The following DIAPH2 variants were observed in gnomAD, a reference collection of about 807,000 sequenced individuals.
DIAPH2 encodes the protein diaphanous related formin 2.
A neutral mutation model predicts 92.7 loss-of-function variants in DIAPH2; 35 were observed. That is an observed-to-expected ratio of 0.38 (90% confidence interval 0.29 to 0.50). The LOEUF (loss-of-function observed/expected upper bound fraction) is 0.50, where lower values mean the gene tolerates loss of function less well. Ranked by LOEUF, DIAPH2 falls within the 20% of genes least tolerant of loss-of-function variation. DIAPH2 has a pLI of 0.94. For synonymous variants in DIAPH2, 301 were observed against 280.4 expected, an observed-to-expected ratio of 1.07 and a Z score of -0.73; for missense variants, 701 against 819.5, an observed-to-expected ratio of 0.86 and a Z score of 1.77.
At chrX:96,998,923 T>C (rs145988183) in intron 17 of DIAPH2, among the ~76,000 whole-genome samples, 6,562 of 112,212 alleles carry the variant, frequency 0.058, 477 homozygotes, top group African/African-American at 0.2. Flanking sequence ...TTTAAAATGG[T>C]ACCTGCTGCA....
At chrX:96,724,073 A>G (rs79297696) in intron 1 of DIAPH2, among the ~76,000 whole-genome samples, 20,838 of 107,630 alleles carry the variant, frequency 0.19, 1,558 homozygotes, top group East Asian at 0.32. Flanking sequence ...ACAGGCGCCC[A>G]CCACCACGCA....
At chrX:96,773,321 A>C (rs747412487) in intron 4 of DIAPH2, among the ~76,000 whole-genome samples, 2 of 84,712 alleles carry the variant, frequency 2.4e-5, no homozygotes, top group East Asian at 8.5e-4. Flanking sequence ...TAGGGCTTTT[A>C]AAGTGTTAAG....
intron 26 of DIAPH2, among the ~76,000 whole-genome samples, chrX:97,571,224 T>C (rs1226251361): frequency 1.8e-5 from 2 of 111,582 alleles, no homozygotes; most frequent in Non-Finnish European, 3.8e-5. Flanking sequence ...TTTTGCTTTT[T>C]TCAAGTTTTC....
intron 22 of DIAPH2, among the ~76,000 whole-genome samples, chrX:97,177,664 A>AT (rs1355091521): frequency 3.8e-5 from 4 of 105,265 alleles, no homozygotes; most frequent in African/African-American, 1.4e-4. Context: ...AAATTTGTTA[A>AT]TTTTTTCTAC....
At chrX:97,086,684 T>C (rs1038460581) in intron 19 of DIAPH2, among the ~76,000 whole-genome samples, 2 of 83,535 alleles carry the variant, frequency 2.4e-5, no homozygotes, top group African/African-American at 9.5e-5. Context: ...TTTGCCTTTG[T>C]ATCTCTGTCA....
chrX:96,873,706 A>G (rs747542069), intron 4 of DIAPH2, among the ~76,000 whole-genome samples: 1 of 110,332 alleles, frequency 9.1e-6, no homozygotes, highest in Non-Finnish European at 1.9e-5. Flanking sequence ...ACACATGTAT[A>G]TATACACACA....
At chrX:97,247,054 G>T (rs1382601617) in intron 22 of DIAPH2, among the ~76,000 whole-genome samples, 1 of 112,001 alleles carries the variant, frequency 8.9e-6, no homozygotes, top group African/African-American at 3.2e-5. Flanking sequence ...ATTATTAGTT[G>T]TCAATGAGAG....
At chrX:97,024,846 T>A (rs2147873641) in intron 17 of DIAPH2, among the ~76,000 whole-genome samples, 1 of 112,111 alleles carries the variant, frequency 8.9e-6, no homozygotes, top group African/African-American at 3.2e-5. Flanking sequence ...TCTGACCAAA[T>A]CTTCTTAAGA....
At chrX:97,459,892 C>T (rs1180937241) in intron 26 of DIAPH2, among the ~76,000 whole-genome samples, 1 of 111,477 alleles carries the variant, frequency 9.0e-6, no homozygotes, top group Non-Finnish European at 1.9e-5. Flanking sequence ...GTTATTTAAC[C>T]TATGTATCAG....
chrX:97,130,534 A>G (rs2067130910), intron 21 of DIAPH2, among the ~76,000 whole-genome samples: 1 of 112,159 alleles, frequency 8.9e-6, no homozygotes, highest in African/African-American at 3.2e-5. Flanking sequence ...TATTCCACTT[A>G]TATGAGGTAC....
intron 19 of DIAPH2, among the ~76,000 whole-genome samples, chrX:97,094,318 G>A (rs1251810856): frequency 2.7e-5 from 3 of 111,751 alleles, no homozygotes; most frequent in Non-Finnish European, 3.8e-5. Flanking sequence ...TTAAATGTCA[G>A]AGTTTCAAAT....
At chrX:97,336,155 A>G (rs2069056589) in intron 23 of DIAPH2, among the ~76,000 whole-genome samples, 1 of 109,560 alleles carries the variant, frequency 9.1e-6, no homozygotes. Context: ...CTCATGGCCT[A>G]CCCCTGTCCC....
intron 9 of DIAPH2, among the ~76,000 whole-genome samples, chrX:96,926,566 A>G (rs1384197088): frequency 9.0e-6 from 1 of 111,612 alleles, no homozygotes; most frequent in Non-Finnish European, 1.9e-5. Flanking sequence ...TGATTATTGT[A>G]GAAATAAAAT....
chrX:97,474,438 A>G (rs1000850876), intron 26 of DIAPH2, among the ~76,000 whole-genome samples: 1 of 112,086 alleles, frequency 8.9e-6, no homozygotes, highest in Non-Finnish European at 1.9e-5. Flanking sequence ...AACCTTTTCA[A>G]ATATGCAGAA....
intron 22 of DIAPH2, among the ~76,000 whole-genome samples, chrX:97,191,615 T>G (rs976473788): frequency 1.4e-4 from 16 of 112,189 alleles, no homozygotes; most frequent in African/African-American, 4.5e-4. Flanking sequence ...CATGATATGT[T>G]AATTACCTTG....
chrX:97,165,206 A>G (rs2067402636), intron 22 of DIAPH2, among the ~76,000 whole-genome samples: 1 of 111,050 alleles, frequency 9.0e-6, no homozygotes, highest in Admixed American at 9.6e-5. Flanking sequence ...TAATAATACT[A>G]TATGGTGGGT....
At position 96,962,468 on chromosome X, in the gene DIAPH2, CAT is replaced by C. The variant is rs1182832566; in HGVS notation, c.1936-2615_1936-2614del. The stretch of plus-strand genomic sequence containing the variant: ...ATATATACACACACATATATATATA[CAT>C]ATATATATACACACACACACACACA... On this transcript the variant is annotated intron_variant, in intron 16 of 26. Transcript: ENST00000324765. 4.6e-3 allele frequency among the ~76,000 whole-genome samples: 153 copies of C among 33,394 alleles called. 5 individuals are homozygous for C. Among genetic ancestry groups the C allele is most frequent in the South Asian group, 0.036 (17 of 468 alleles). The allele number at this position is 33,394 out of a possible 115,157, so 29.0% of individuals were successfully genotyped here.
At chrX:96,913,209 A>G (rs1307082651) in intron 7 of DIAPH2, among the ~76,000 whole-genome samples, 3 of 111,437 alleles carry the variant, frequency 2.7e-5, no homozygotes, top group Non-Finnish European at 5.7e-5. Flanking sequence ...AAACAAAAAA[A>G]ATGATTGGAA....
chrX:96,838,647 G>A (rs1432205762), intron 4 of DIAPH2, among the ~76,000 whole-genome samples: 1 of 111,323 alleles, frequency 9.0e-6, no homozygotes, highest in Non-Finnish European at 1.9e-5. Flanking sequence ...GGGCCTTGTG[G>A]GTGTTCTAAA....
Sources: gnomAD v4.1 joint callset for allele counts (sites outside exome capture counted in the v4.1 genomes callset) on GRCh38, gnomAD v4.1.1 for gene constraint, MANE v1.5 for transcripts, NCBI Gene and HGNC (gene_info 2026-07-23, HGNC 2026-07-21) for gene names.